The following CSF2RA variants were observed in gnomAD, a reference collection of about 807,000 sequenced individuals.
CSF2RA encodes the protein colony stimulating factor 2 receptor subunit alpha.
A neutral mutation model predicts 51.6 loss-of-function variants in CSF2RA; 42 were observed. That is an observed-to-expected ratio of 0.81 (90% CI 0.64 to 1.05). The LOEUF is 1.05. Among genes scored for constraint, CSF2RA ranks in the 50% least tolerant of loss-of-function variants. The pLI is 0.00. For synonymous variants in CSF2RA, 222 were observed against 193.0 expected (o/e 1.15, Z -1.24); for missense variants, 530 against 501.1 (o/e 1.06, Z -0.55).
At chrX:1,276,131 G>A (rs2089159845) in intron 2 of CSF2RA, among the ~76,000 whole-genome samples, 2 of 151,744 alleles carry the variant, frequency 1.3e-5, no homozygotes, top group Admixed American at 1.3e-4. Context: ...CTCCCAAGTA[G>A]CTGGCATTAC....
At chrX:1,307,087 C>G (rs2083650988) in intron 12 of CSF2RA, among the ~76,000 whole-genome samples, 1 of 152,022 alleles carries the variant, frequency 6.6e-6, no homozygotes, top group East Asian at 1.9e-4. Context: ...ATTGGCGCTC[C>G]TCTCCCACCC....
At chrX:1,300,396 G>A in intron 9 of CSF2RA, 95 bp from the exon 10 acceptor site, 2 of 1,433,754 alleles carry the variant, frequency 1.4e-6, no homozygotes, top group Non-Finnish European at 1.9e-6. Context: ...AAAAAGAAAA[G>A]GAGAAAAAAA....
Position 1,294,390 on chromosome X carries a change from T to C in CSF2RA, c.709T>C (p.Trp237Arg), listed in dbSNP as rs1388022909. 6.2e-7 allele frequency: 1 copy of C among 1,613,618 alleles called. No individual in the cohort carries two copies. The highest frequency in any genetic ancestry group is 1.3e-5 in the African/African-American group (1 of 74,844). ...RCNTTHCLVR[W>R]KQPRTYQKLS... ...CAACACGACGCACTGCCTCGTACGG[T>C]GGAAACAGCCCAGGACCTATCAGAA... Residue 237 changes from tryptophan (W) to arginine (R), a missense_variant, in exon 8 of 13, where the codon TGG (tryptophan) becomes CGG (arginine). Trp to Arg is a moderately radical substitution (Grantham distance 101, BLOSUM62 -3). Transcript: ENST00000381529.
intron 4 of CSF2RA, 107 bp from the exon 5 acceptor site, chrX:1,288,412 G>T (rs1305740909): frequency 8.1e-7 from 1 of 1,228,488 alleles, no homozygotes; most frequent in Non-Finnish European, 1.2e-6. Flanking sequence ...AACCTGGAAG[G>T]CGGAGGTTGT....
At chrX:1,324,452 AAAAG>A in the CSF2RA span, among the ~76,000 whole-genome samples, 81,754 of 132,576 alleles carry the variant, frequency 0.62, 27,529 homozygotes, top group East Asian at 0.75. Flanking sequence ...AAAAGAAAGA[AAAAG>A]AAAGAGAAAG....
At chrX:1,301,980 C>G (rs1306113742) in intron 10 of CSF2RA, among the ~76,000 whole-genome samples, 4 of 144,650 alleles carry the variant, frequency 2.8e-5, no homozygotes, top group Admixed American at 7.1e-5. Context: ...GCAGTGGTGC[C>G]ATCTCGGCTC....
chrX:1,299,315 ATCC>A (rs2092219496), intron 9 of CSF2RA, among the ~76,000 whole-genome samples: 1 of 152,208 alleles, frequency 6.6e-6, no homozygotes, highest in Non-Finnish European at 1.5e-5. Flanking sequence ...GACCCTCGGT[ATCC>A]TCCTCTGTCC....
chrX:1,304,260 C>T lies in CSF2RA; in HGVS notation c.1043+241C>T, dbSNP rs747200727. 3.8e-5 allele frequency among the ~76,000 whole-genome samples: 3 copies of T among 79,476 alleles called. 1 individual carries two copies. The highest frequency in any genetic ancestry group is 6.9e-5 in the Non-Finnish European group (3 of 43,354). 52.1% of individuals were successfully genotyped at this position (79,476 alleles called of 152,430 possible). On this transcript the variant is annotated intron_variant, in intron 11 of 12. Transcript: ENST00000381529. ...CGTCTCTACTAAAAAATTAGCCCGG[C>T]GTGGTCGCGGGCGCCTGTAGTCCCA...
intron 2 of CSF2RA, among the ~76,000 whole-genome samples, chrX:1,280,937 C>T (rs1423544273): frequency 1.5e-5 from 2 of 132,222 alleles, no homozygotes; most frequent in Admixed American, 7.6e-5. Flanking sequence ...TTCTCCTCCT[C>T]CTCCTCCTGC....
At chrX:1,294,529 T>A in intron 8 of CSF2RA, 68 bp downstream of exon 8, 4 of 1,602,488 alleles carry the variant, frequency 2.5e-6, no homozygotes, top group Non-Finnish European at 3.4e-6. Flanking sequence ...CACAGGAGCC[T>A]GGGAATCCCG....
At chrX:1,277,121 G>A (rs1268246823) in intron 2 of CSF2RA, among the ~76,000 whole-genome samples, 3 of 150,478 alleles carry the variant, frequency 2.0e-5, no homozygotes, top group Admixed American at 1.3e-4. Context: ...TAAAGCTTAC[G>A]CAGTAGCTGA....
intron 1 of CSF2RA, among the ~76,000 whole-genome samples, chrX:1,272,607 C>T (rs1159156086): frequency 6.6e-6 from 1 of 151,538 alleles, no homozygotes; most frequent in Non-Finnish European, 1.5e-5. Flanking sequence ...CCTGCCTCAG[C>T]CTCCCGAGTA....
chrX:1,309,373 C>T (rs745890715), intron 12 of CSF2RA, 29 bp from the exon 13 acceptor site: 1 of 1,607,662 alleles, frequency 6.2e-7, no homozygotes, highest in African/African-American at 1.3e-5. Context: ...TCGTGAAGAT[C>T]TGACAGCCTG....
the CSF2RA span, among the ~76,000 whole-genome samples, chrX:1,320,186 C>G: frequency 7.3e-5 from 11 of 151,018 alleles, no homozygotes; most frequent in Admixed American, 4.6e-4. Context: ...TGAGCCACTG[C>G]GCCCGGCCTG....
At chrX:1,287,456 T>C (rs1319349890) in intron 4 of CSF2RA, among the ~76,000 whole-genome samples, 1 of 148,172 alleles carries the variant, frequency 6.7e-6, no homozygotes, top group Non-Finnish European at 1.5e-5. Flanking sequence ...CCGACCTTTA[T>C]TTTTTGGGAT....
intron 1 of CSF2RA, 48 bp from the exon 2 acceptor site, chrX:1,274,707 A>G (rs1569489995): frequency 2.2e-6 from 1 of 452,390 alleles, no homozygotes; most frequent in Non-Finnish European, 4.4e-6. Context: ...AGTTTCCACT[A>G]TAACCTTTCA....
At chrX:1,290,002 G>GT (rs2091226778) in intron 6 of CSF2RA, among the ~76,000 whole-genome samples, 1 of 70,004 alleles carries the variant, frequency 1.4e-5, no homozygotes, top group South Asian at 4.9e-4. Context: ...TTTGTTTTGT[G>GT]TTTTGTGTTT....
chrX:1,296,200 G>C (rs376831228), intron 9 of CSF2RA, among the ~76,000 whole-genome samples: 3 of 147,560 alleles, frequency 2.0e-5, no homozygotes, highest in African/African-American at 7.6e-5. Context: ...TAACCATACA[G>C]TTCCCTATCC....
chrX:1,314,277 AACCCCACT>A (rs1569514723), downstream of CSF2RA, among the ~76,000 whole-genome samples: 6 of 81,506 alleles, frequency 7.4e-5, 1 homozygote, highest in African/African-American at 1.5e-4. Context: ...GCGCCTGCCC[AACCCCACT>A]GCATCTGCCC....
Sources: gnomAD v4.1 joint callset for allele counts (sites outside exome capture counted in the v4.1 genomes callset) on GRCh38, gnomAD v4.1.1 for gene constraint, MANE v1.5 for transcripts, NCBI Gene and HGNC (gene_info 2026-07-23, HGNC 2026-07-21) for gene names.